GPALPP1: variants seen among roughly 807,000 people sequenced by gnomAD.
GPALPP1 encodes GPALPP motifs-containing protein 1.
A neutral mutation model predicts 38.9 loss-of-function variants in GPALPP1; 30 were observed. That is an observed-to-expected ratio of 0.77 (90% CI 0.58 to 1.05). GPALPP1 has a LOEUF of 1.05. Among genes scored for constraint, GPALPP1 ranks in the 50% least tolerant of loss-of-function variants. The pLI, the probability that GPALPP1 is intolerant of heterozygous loss-of-function variation, is 0.00. For missense variants in GPALPP1, 384 were observed against 408.8 expected, an observed-to-expected ratio of 0.94 and a Z score of 0.52; for synonymous variants, 120 against 139.2, an observed-to-expected ratio of 0.86 and a Z score of 0.97.
chr13:45,024,416 C>T (rs1875690900), intron 7 of GPALPP1, among the ~76,000 whole-genome samples: 1 of 151,798 alleles, frequency 6.6e-6, no homozygotes, highest in Admixed American at 6.6e-5. Context: ...TCTCCTACCT[C>T]AGACTCCCGA....
At position 45,004,243 on chromosome 13, in the gene GPALPP1, C is replaced by G. The variant is rs1037723374; in HGVS notation, c.89-62C>G. ...TTTCAGAAAAGAAAGTGAAAAATATCAGCTAGAAGGGTTCATTGAAACAGT... is the reference window on the plus strand; with the variant it reads ...TTTCAGAAAAGAAAGTGAAAAATATGAGCTAGAAGGGTTCATTGAAACAGT... On this transcript the variant is annotated intron_variant, in intron 1 of 7. Transcript: ENST00000379151. 2.2e-6 allele frequency: 3 copies of G among 1,369,790 alleles called. No individual in the cohort carries two copies. The African/African-American group carries it at 4.4e-5, about 20-fold the overall frequency. The allele number at this position is 1,369,790 out of a possible 1,614,324, so 84.9% of individuals were successfully genotyped here. A position where few individuals can be genotyped will look rare whatever the true frequency, so the allele number is the denominator to read the frequency against.
At position 45,004,450 on chromosome 13, in the gene GPALPP1, A is replaced by G; in HGVS notation, c.221+13A>G. On this transcript the variant is annotated intron_variant, in intron 2 of 7. Coordinates refer to ENST00000379151, the MANE Select transcript of GPALPP1 (RefSeq NM_018559.5). ...GTCCAACTGCAAGGTCAGTCATTTA[A>G]TTAAATTAAATGATAGACCAAACTT... 6.3e-7 allele frequency: 1 copy of G among 1,596,782 alleles called. No individual in the cohort carries two copies. Among genetic ancestry groups the G allele is most frequent in the Non-Finnish European group, 8.6e-7 (1 of 1,165,148 alleles).
intron 1 of GPALPP1, among the ~76,000 whole-genome samples, chr13:44,994,677 A>G (rs1016454273): frequency 6.6e-6 from 1 of 152,172 alleles, no homozygotes; most frequent in Non-Finnish European, 1.5e-5. Context: ...GGGCCTCCTC[A>G]CGTGATAAAC....
At chr13:44,996,710 T>C (rs1381526844) in intron 1 of GPALPP1, among the ~76,000 whole-genome samples, 1 of 150,218 alleles carries the variant, frequency 6.7e-6, no homozygotes, top group African/African-American at 2.5e-5. Flanking sequence ...CTGGAACTCC[T>C]GGGCTCAAGT....
intron 2 of GPALPP1, 80 bp downstream of exon 2, chr13:45,004,517 G>A (rs1311954718): frequency 8.4e-5 from 74 of 879,148 alleles, no homozygotes; most frequent in Non-Finnish European, 9.2e-6. Flanking sequence ...GCTAGTAAGG[G>A]GATATCATAT....
chr13:45,027,788 T>C lies in GPALPP1; in HGVS notation c.808T>C (p.Ser270Pro). 2.7e-6 allele frequency: 4 copies of C among 1,462,722 alleles called. No individual in the cohort carries two copies. The highest frequency in any genetic ancestry group is 3.8e-6 in the Non-Finnish European group (4 of 1,046,432). The allele number at this position is 1,462,722 out of a possible 1,614,324, so 90.6% of individuals were successfully genotyped here. ...TCTGCTCTCCTGCTCTCTCCAGGAA[T>C]CAAAAAGATCAGAATCTCTTATGGA... ...LAEQVSSYNE[S>P]KRSESLMDIH... The change falls in exon 8 of 8, where the codon TCA becomes CCA. Residue 270 changes from serine (S) to proline (P), a missense_variant. By Grantham distance (74) the Ser-to-Pro change is moderately conservative. Transcript: ENST00000379151.
rs1555257084 is a variant in GPALPP1, at chr13:45,024,293, T to TGTGTGTGTGTGTGTGC, written c.805-3477_805-3476insCGTGTGTGTGTGTGTG. 9.5e-5 allele frequency among the ~76,000 whole-genome samples: 14 copies of TGTGTGTGTGTGTGTGC among 148,022 alleles called. No homozygotes were observed. The South Asian group carries it at 1.4e-3, about 14-fold the overall frequency. On this transcript the variant is annotated intron_variant, in intron 7 of 7. Coordinates refer to ENST00000379151, the MANE Select transcript of GPALPP1 (RefSeq NM_018559.5). ...GTGTGTGTGTGTGTGTGTGTGTGTG[T>TGTGTGTGTGTGTGTGC]GTGTGTGTGTGTGTGTTTTGAGACT... is the stretch of plus-strand genomic sequence containing the variant.
rs1875126662 is a variant in GPALPP1 at position 45,019,012 on chromosome 13, T to TATAAATATAA, written c.706-1315_706-1314insAATATAAATA. On this transcript the variant is annotated intron_variant, in intron 6 of 7. Transcript: ENST00000379151. ...ATATAAATATATATACATATAAATA[T>TATAAATATAA]ATATACACATATAAATATATACATA... is the stretch of plus-strand genomic sequence containing the variant. Among the ~76,000 whole-genome samples, 2 of 60,104 alleles carry TATAAATATAA rather than the reference T, an allele frequency of 3.3e-5. 1 individual carries two copies. Among genetic ancestry groups the TATAAATATAA allele is most frequent in the Non-Finnish European group, 1.0e-4 (2 of 19,652 alleles). 39.4% of individuals were successfully genotyped at this position (60,104 alleles called of 152,430 possible).
rs756570414 is a variant in GPALPP1 at position 45,015,497 on chromosome 13, T to C, written c.606T>C (p.Phe202=). 15 of 1,609,728 alleles carry C rather than the reference T, an allele frequency of 9.3e-6. No individual in the cohort carries two copies. ...AACTTCCTCCAGAAATGAAAGACTTTGGTCTTGGGCCAAGGACTTTTAAGA... is the reference window on the plus strand; with the variant it reads ...AACTTCCTCCAGAAATGAAAGACTTCGGTCTTGGGCCAAGGACTTTTAAGA... ...MTELPPEMKD[F]GLGPRTFKRR... is the part of the protein sequence containing the mutation. Residue 202 remains phenylalanine, a synonymous_variant, in exon 6 of 8, where the codon TTT becomes TTC. Coordinates refer to ENST00000379151, the MANE Select transcript of GPALPP1 (RefSeq NM_018559.5).
intron 1 of GPALPP1, among the ~76,000 whole-genome samples, chr13:44,995,380 G>A (rs114702477): frequency 2.3e-3 from 343 of 151,916 alleles, no homozygotes; most frequent in African/African-American, 7.9e-3. Flanking sequence ...TTTAAGTGAT[G>A]ATATTCCCAC....
chr13:45,001,378 C>T (rs369814782), intron 1 of GPALPP1, among the ~76,000 whole-genome samples: 1 of 152,296 alleles, frequency 6.6e-6, no homozygotes, highest in Middle Eastern at 3.4e-3. Context: ...AGCATGAGAA[C>T]GGACTTACAC....
At chr13:44,995,991 C>T (rs1453230897) in intron 1 of GPALPP1, among the ~76,000 whole-genome samples, 1 of 152,112 alleles carries the variant, frequency 6.6e-6, no homozygotes, top group African/African-American at 2.4e-5. Flanking sequence ...CCTCTGTAAT[C>T]CCCAATACTA....
At chr13:45,035,077 C>G (rs530393811), downstream of GPALPP1, 1 of 152,260 alleles carries the variant, frequency 6.6e-6, no homozygotes, top group Non-Finnish European at 1.5e-5. Flanking sequence ...CTGCCTCAGC[C>G]TCCCCAGTAG....
intron 4 of GPALPP1, among the ~76,000 whole-genome samples, chr13:45,013,970 G>A (rs1031150616): frequency 6.6e-6 from 1 of 152,140 alleles, no homozygotes; most frequent in African/African-American, 2.4e-5. Flanking sequence ...TCAGTTTAGT[G>A]TGTTTGGCCT....
rs1454543436 is a variant in GPALPP1, at chr13:45,020,393, G to C, written c.769G>C (p.Asp257His). Residue 257 changes from aspartate (D) to histidine (H), a missense_variant, in exon 7 of 8, where the codon GAT (aspartate) becomes CAT (histidine). Coordinates refer to ENST00000379151, the MANE Select transcript of GPALPP1 (RefSeq NM_018559.5). Reference protein sequence around the residue: ...KDEEHILSGRDKRLAEQVSSY... With the variant: ...KDEEHILSGRHKRLAEQVSSY... ...TGAAGAACATATATTATCAGGAAGAGATAAGAGACTGGCTGAGCAGGTATC... is the reference window on the plus strand; with the variant it reads ...TGAAGAACATATATTATCAGGAAGACATAAGAGACTGGCTGAGCAGGTATC... 3.3e-6 allele frequency: 5 copies of C among 1,520,830 alleles called. No individual in the cohort carries two copies. In the South Asian group the frequency reaches 5.6e-5, roughly 17 times the overall value. 94.2% of individuals were successfully genotyped at this position (1,520,830 alleles called of 1,614,324 possible). A position where few individuals can be genotyped will look rare whatever the true frequency, so the allele number is the denominator to read the frequency against.
intron 1 of GPALPP1, among the ~76,000 whole-genome samples, chr13:44,992,029 T>C (rs919929220): frequency 1.3e-5 from 2 of 152,226 alleles, no homozygotes; most frequent in African/African-American, 4.8e-5. Flanking sequence ...TTTGAGTAAT[T>C]TCCATTTGGA....
intron 1 of GPALPP1, among the ~76,000 whole-genome samples, chr13:44,997,391 A>G (rs1490305433): frequency 6.6e-6 from 1 of 152,108 alleles, no homozygotes; most frequent in African/African-American, 2.4e-5. Flanking sequence ...CTGGGGTGCA[A>G]ATATTTTCTC....
intron 1 of GPALPP1, chr13:44,989,996 C>T (rs1257153125): frequency 1.1e-5 from 6 of 566,864 alleles, no homozygotes; most frequent in South Asian, 4.4e-5. Context: ...ATGAGCTGCA[C>T]GCTGCCCTAA....
rs183214970 is a variant in GPALPP1 at position 45,028,910 on chromosome 13, T to A, written c.*907T>A. The A allele has an allele frequency of 6.7e-6, 1 of 149,850 alleles. No individual in the cohort carries two copies. The highest frequency in any genetic ancestry group is 1.5e-5 in the Non-Finnish European group (1 of 66,640). 9.3% of individuals were successfully genotyped at this position (149,850 alleles called of 1,614,324 possible). A position where few individuals can be genotyped will look rare whatever the true frequency, so the allele number is the denominator to read the frequency against. ...ATTAAAAATATATATATATAAAAATTAGCCAGGTGTGGTGGCACGTGCCTG... is the reference window on the plus strand; with the variant it reads ...ATTAAAAATATATATATATAAAAATAAGCCAGGTGTGGTGGCACGTGCCTG... On this transcript the variant is annotated 3_prime_UTR_variant, in exon 8 of 8. Coordinates refer to ENST00000379151, the MANE Select transcript of GPALPP1 (RefSeq NM_018559.5).
Sources: allele counts gnomAD v4.1 joint callset (sites outside exome capture counted in the v4.1 genomes callset), GRCh38; gene constraint gnomAD v4.1.1; transcripts MANE v1.5; gene names NCBI Gene and HGNC (gene_info 2026-07-23, HGNC 2026-07-21).